DIAPH2: variants seen among roughly 807,000 people sequenced by gnomAD.
The protein encoded by DIAPH2 is protein diaphanous homolog 2.
In DIAPH2, 35 loss-of-function variants were observed where a neutral mutation model predicts 92.7. The ratio of observed to expected loss-of-function variants is 0.38; its 90% CI spans 0.29 to 0.50. The LOEUF (loss-of-function observed/expected upper bound fraction) is 0.50. Ranked by LOEUF, DIAPH2 falls within the 20% of genes least tolerant of loss-of-function variation. The pLI is 0.94. For missense variants in DIAPH2, 701 were observed against 819.5 expected (o/e 0.86, Z 1.77); for synonymous variants, 301 against 280.4 (o/e 1.07, Z -0.73).
chrX:96,894,342 A>G (rs1245941832), intron 5 of DIAPH2, among the ~76,000 whole-genome samples: 1 of 110,199 alleles, frequency 9.1e-6, no homozygotes, highest in Non-Finnish European at 1.9e-5. Context: ...TTAAATTGGT[A>G]CGTTCAACAT....
intron 1 of DIAPH2, among the ~76,000 whole-genome samples, chrX:96,704,831 A>C (rs1284158452): frequency 9.0e-6 from 1 of 111,331 alleles, no homozygotes; most frequent in South Asian, 3.8e-4. Context: ...TAAGTTCCAT[A>C]TGAATGATTC....
chrX:96,721,890 A>G (rs372458265), intron 1 of DIAPH2, among the ~76,000 whole-genome samples: 2 of 112,505 alleles, frequency 1.8e-5, no homozygotes, highest in South Asian at 7.3e-4. Flanking sequence ...TAATTAAATC[A>G]GAGAACTAAA....
At chrX:97,301,361 A>G (rs964478221) in intron 23 of DIAPH2, among the ~76,000 whole-genome samples, 5 of 110,740 alleles carry the variant, frequency 4.5e-5, no homozygotes, top group East Asian at 2.8e-4. Context: ...TTTTTTATCT[A>G]TGGTACCTTA....
At chrX:97,014,048 A>G (rs1293230236) in intron 17 of DIAPH2, among the ~76,000 whole-genome samples, 6 of 112,011 alleles carry the variant, frequency 5.4e-5, no homozygotes, top group Non-Finnish European at 1.1e-4. Flanking sequence ...TATCTTTCCC[A>G]TGTTTATTTT....
intron 1 of DIAPH2, chrX:96,701,674 T>G (rs1271577063): frequency 9.0e-6 from 1 of 111,528 alleles, no homozygotes; most frequent in Non-Finnish European, 1.9e-5. Context: ...TAGAGTTATG[T>G]AAAGGCACAT....
At chrX:97,149,779 CTGAACGAATT>C (rs2067273393) in intron 22 of DIAPH2, among the ~76,000 whole-genome samples, 1 of 93,894 alleles carries the variant, frequency 1.1e-5, no homozygotes, top group African/African-American at 3.8e-5. Context: ...ACAATTTTTG[CTGAACGAATT>C]GTACTCTATC....
intron 5 of DIAPH2, among the ~76,000 whole-genome samples, chrX:96,882,689 G>A (rs1190824378): frequency 1.8e-5 from 2 of 109,696 alleles, no homozygotes; most frequent in Non-Finnish European, 3.8e-5. Context: ...GGGCGTGGGG[G>A]CTCACACCTA....
chrX:97,153,844 C>G (rs1241622454), intron 22 of DIAPH2, among the ~76,000 whole-genome samples: 1 of 110,345 alleles, frequency 9.1e-6, no homozygotes, highest in Non-Finnish European at 1.9e-5. Context: ...TTCCAATATC[C>G]TATTTTGTTA....
intron 5 of DIAPH2, among the ~76,000 whole-genome samples, chrX:96,901,216 C>T (rs1343696813): frequency 9.1e-6 from 1 of 110,186 alleles, no homozygotes; most frequent in Admixed American, 9.7e-5. Context: ...AGGAATTTAT[C>T]CATTTCCTCT....
At position 97,266,202 on chromosome X, in the gene DIAPH2, A is replaced by G. The variant is rs180903749; in HGVS notation, c.2844+18363A>G. The stretch of plus-strand genomic sequence containing the variant: ...TGAGCCAGAAACTGTGTCAGATGCT[A>G]GAGATCTAATGGCGAATAAGTCATA... On this transcript the variant is annotated intron_variant, in intron 23 of 26. Transcript: ENST00000324765. 5.0e-3 allele frequency among the ~76,000 whole-genome samples: 564 copies of G among 112,224 alleles called. 7 individuals carry two copies. Among genetic ancestry groups the G allele is most frequent in the African/African-American group, 0.018 (542 of 30,960 alleles).
chrX:96,863,177 T>C (rs915060947), intron 4 of DIAPH2, among the ~76,000 whole-genome samples: 5 of 109,527 alleles, frequency 4.6e-5, no homozygotes, highest in African/African-American at 1.3e-4. Flanking sequence ...AAATCTTTCC[T>C]AGTTGAAGTA....
intron 23 of DIAPH2, among the ~76,000 whole-genome samples, chrX:97,334,186 G>A (rs1020410515): frequency 8.2e-5 from 9 of 110,305 alleles, no homozygotes; most frequent in Non-Finnish European, 1.3e-4. Flanking sequence ...ATTGAGGCCG[G>A]GCACAGTGGC....
At chrX:97,537,886 CTTTT>C (rs778796568) in intron 26 of DIAPH2, among the ~76,000 whole-genome samples, 3 of 92,346 alleles carry the variant, frequency 3.2e-5, no homozygotes, top group Non-Finnish European at 4.3e-5. Flanking sequence ...AGACTAAATT[CTTTT>C]TTTTTTTTTT....
chrX:97,476,803 G>C (rs781403385), intron 26 of DIAPH2, among the ~76,000 whole-genome samples: 1 of 104,603 alleles, frequency 9.6e-6, no homozygotes, highest in African/African-American at 3.5e-5. Flanking sequence ...AATTAGCCAG[G>C]TGTGGTGGCA....
In DIAPH2 at chrX:96,799,538, A is replaced by G. The variant is rs2147647234; in HGVS notation, c.447+41280A>G. On this transcript the variant is annotated intron_variant, in intron 4 of 26. Transcript: ENST00000324765. Reference sequence around the variant, plus strand: ...AAAGTAACCTTTCTTGGCCGGGCGCAGTGGCTCACGCCTATAATCCCAGCA... The same window carrying G: ...AAAGTAACCTTTCTTGGCCGGGCGCGGTGGCTCACGCCTATAATCCCAGCA... 1.8e-5 allele frequency among the ~76,000 whole-genome samples: 2 copies of G among 112,298 alleles called. 1 individual carries two copies. Among genetic ancestry groups the G allele is most frequent in the South Asian group, 7.4e-4 (2 of 2,718 alleles).
chrX:97,413,827 G>T (rs771738007), intron 25 of DIAPH2, among the ~76,000 whole-genome samples: 2 of 111,389 alleles, frequency 1.8e-5, no homozygotes, highest in Non-Finnish European at 3.8e-5. Context: ...AAAATACCTA[G>T]GGATCCAACT....
rs186805288 is a variant in DIAPH2 at position 97,208,883 on chromosome X, A to G, written c.2720-38832A>G. Among the ~76,000 whole-genome samples, 42 of 110,006 alleles carry G rather than the reference A, an allele frequency of 3.8e-4. No individual in the cohort carries two copies. The East Asian group carries it at 8.5e-3, about 22-fold the overall frequency. On this transcript the variant is annotated intron_variant, in intron 22 of 26. Transcript: ENST00000324765. The stretch of plus-strand genomic sequence containing the variant: ...AGCGGTGAGGGGTTTTTTTTTGGTC[A>G]TTATTTTAAGGTTCTTTTCCCCAGT...
chrX:97,038,288 A>G (rs1025545860), intron 17 of DIAPH2, among the ~76,000 whole-genome samples: 1 of 111,687 alleles, frequency 9.0e-6, no homozygotes, highest in Non-Finnish European at 1.9e-5. Context: ...GGTTGGTTAC[A>G]TATCTTTGCA....
intron 4 of DIAPH2, among the ~76,000 whole-genome samples, chrX:96,863,988 A>G (rs1049627600): frequency 6.9e-4 from 77 of 111,448 alleles, no homozygotes; most frequent in African/African-American, 2.3e-3. Flanking sequence ...GCTTGAGCCC[A>G]GGAGGTCAAT....
Sources: gnomAD v4.1 joint callset for allele counts (sites outside exome capture counted in the v4.1 genomes callset) on GRCh38, gnomAD v4.1.1 for gene constraint, MANE v1.5 for transcripts, NCBI Gene and HGNC (gene_info 2026-07-23, HGNC 2026-07-21) for gene names.